Variants in PPME1 observed in about 807,000 individuals in gnomAD.
The protein encoded by PPME1 is testicular secretory protein Li 39.
In PPME1, 17 loss-of-function variants were observed where a neutral mutation model predicts 56.9. The observed-to-expected ratio is 0.30, with a 90% CI of 0.20 to 0.45. The LOEUF is 0.45. PPME1 is among the 20% of genes least tolerant of loss of function. The probability of loss-of-function intolerance (pLI) is 1.00; values close to 1 mark genes in which losing one functional copy is unlikely to be tolerated. For missense variants in PPME1, 357 were observed against 483.2 expected, an observed-to-expected ratio of 0.74 and a Z score of 2.45; for synonymous variants, 122 against 156.2, an observed-to-expected ratio of 0.78 and a Z score of 1.63.
At chr11:74,203,649 A>C (rs1208074726) in intron 1 of PPME1, 79 bp from the exon 2 acceptor site, 1 of 1,017,138 alleles carries the variant, frequency 9.8e-7, no homozygotes, top group Non-Finnish European at 1.5e-6. Context: ...TTACTGACTT[A>C]CATTTAGCAT....
chr11:74,191,675 C>T (rs539632212), intron 1 of PPME1, among the ~76,000 whole-genome samples: 2 of 152,350 alleles, frequency 1.3e-5, no homozygotes, highest in Admixed American at 6.5e-5. Flanking sequence ...ACTCATGCTC[C>T]AGCCAGGGCT....
intron 1 of PPME1, among the ~76,000 whole-genome samples, chr11:74,197,531 G>A (rs1035264542): frequency 2.4e-4 from 36 of 152,218 alleles, no homozygotes; most frequent in East Asian, 1.9e-4. Flanking sequence ...TCATAATAAC[G>A]CCTATAAAAT....
At chr11:74,249,779 A>G (rs377355173) in intron 11 of PPME1, 9 of 152,218 alleles carry the variant, frequency 5.9e-5, no homozygotes, top group African/African-American at 2.2e-4. Context: ...TGAAACTTAC[A>G]AGAGGGCCAT....
intron 3 of PPME1, among the ~76,000 whole-genome samples, chr11:74,217,468 G>A (rs1052888533): frequency 3.3e-5 from 5 of 150,760 alleles, no homozygotes; most frequent in African/African-American, 1.2e-4. Flanking sequence ...CCTGAACCTG[G>A]GAAATGGAGG....
rs761884373 is a variant in PPME1, at chr11:74,203,839, G to A, written c.195+18G>A. The stretch of plus-strand genomic sequence containing the variant: ...GCAAGGATATATCCTTTGCAAAATG[G>A]CTTATTCTTTAGTGAGCTTATGATG... On this transcript the variant is annotated intron_variant, in intron 2 of 13. Coordinates refer to ENST00000328257, the MANE Select transcript of PPME1 (RefSeq NM_016147.3). 6.4e-7 allele frequency: 1 copy of A among 1,556,058 alleles called. No individual in the cohort carries two copies. Among genetic ancestry groups the A allele is most frequent in the Non-Finnish European group, 8.8e-7 (1 of 1,139,316 alleles).
At chr11:74,192,796 C>G (rs1319094431) in intron 1 of PPME1, among the ~76,000 whole-genome samples, 1 of 152,178 alleles carries the variant, frequency 6.6e-6, no homozygotes, top group African/African-American at 2.4e-5. Context: ...CCCACTTCAC[C>G]TTCCACCATG....
In PPME1 at chr11:74,230,774, T is replaced by C. The variant is rs1448186897; in HGVS notation, c.554-138T>C. On this transcript the variant is annotated intron_variant, in intron 6 of 13. Coordinates refer to ENST00000328257, the MANE Select transcript of PPME1 (RefSeq NM_016147.3). This position sits in a 1 kb window ranked among gnomAD's most constrained non-coding sequence, Gnocchi z 4.9. ...GTGAATACCCCAGAGGCAAAAATTA[T>C]TGAGGGCCATCTTTATTTCTCTGCG... 7 of 718,596 alleles carry C rather than the reference T, an allele frequency of 9.7e-6. No homozygotes were observed. The highest frequency in any genetic ancestry group is 3.6e-5 in the African/African-American group (2 of 55,860). 44.5% of individuals were successfully genotyped at this position (718,596 alleles called of 1,614,324 possible).
intron 1 of PPME1, among the ~76,000 whole-genome samples, chr11:74,200,870 A>C (rs979413541): frequency 3.3e-5 from 5 of 151,742 alleles, no homozygotes; most frequent in African/African-American, 1.2e-4. Flanking sequence ...TTGTTTTTTG[A>C]GAGATGAGAC....
rs1250402108 is a variant in PPME1, at chr11:74,230,362, A to G, written c.516A>G (p.Pro172=). The change falls in exon 6 of 14, where the codon CCA becomes CCG. Residue 172 remains proline (P), a synonymous_variant. Coordinates refer to ENST00000328257, the MANE Select transcript of PPME1 (RefSeq NM_016147.3). The surrounding 1 kb of genome is among the most constrained non-coding windows in gnomAD (Gnocchi z 4.9). ...AVHTASSNLV[P]SLLGLCMIDV... is the part of the protein sequence containing the mutation. ...ACACAGCATCATCCAACCTGGTACC[A>G]AGCCTCTTGGGTCTGTGCATGATTG... The G allele has an allele frequency of 1.2e-6, 2 of 1,613,850 alleles. No individual in the cohort carries two copies. The highest frequency in any genetic ancestry group is 8.5e-7 in the Non-Finnish European group (1 of 1,179,798).
At chr11:74,179,055 A>G (rs1382224578) in intron 1 of PPME1, among the ~76,000 whole-genome samples, 5 of 152,236 alleles carry the variant, frequency 3.3e-5, no homozygotes, top group Admixed American at 6.5e-5. Flanking sequence ...ATAAGAGATT[A>G]TATTGAAAAT....
At chr11:74,202,922 C>T (rs920474235) in intron 1 of PPME1, among the ~76,000 whole-genome samples, 1 of 152,022 alleles carries the variant, frequency 6.6e-6, no homozygotes, top group Non-Finnish European at 1.5e-5. Flanking sequence ...CAATTTTACC[C>T]AAGTGATAGC....
intron 3 of PPME1, among the ~76,000 whole-genome samples, chr11:74,215,312 C>T (rs1453208517): frequency 6.6e-6 from 1 of 152,010 alleles, no homozygotes; most frequent in African/African-American, 2.4e-5. Context: ...TGCACTCAAG[C>T]CTAGGCAACT....
chr11:74,237,586 T>G (rs1260963565), intron 8 of PPME1, among the ~76,000 whole-genome samples: 1 of 152,138 alleles, frequency 6.6e-6, no homozygotes, highest in African/African-American at 2.4e-5. Context: ...ATTGTCTCTT[T>G]TTTTTTAATG....
At chr11:74,242,295 GATT>G (rs1565395362) in intron 9 of PPME1, among the ~76,000 whole-genome samples, 1 of 152,128 alleles carries the variant, frequency 6.6e-6, no homozygotes, top group South Asian at 2.1e-4. Flanking sequence ...ATAAATGTTA[GATT>G]TTATTTCTGA....
chr11:74,175,755 TC>T (rs1238704919), intron 1 of PPME1, among the ~76,000 whole-genome samples: 1 of 152,176 alleles, frequency 6.6e-6, no homozygotes, highest in African/African-American at 2.4e-5. Context: ...TATATAGTAG[TC>T]CCTTTTTATA....
chr11:74,234,077 T>C (rs1245389007), intron 7 of PPME1, among the ~76,000 whole-genome samples: 1 of 152,106 alleles, frequency 6.6e-6, no homozygotes, highest in African/African-American at 2.4e-5. Flanking sequence ...GGTTTATGGA[T>C]TGGATGTTGG....
intron 3 of PPME1, among the ~76,000 whole-genome samples, chr11:74,214,763 C>G (rs1858582660): frequency 1.3e-5 from 2 of 151,598 alleles, no homozygotes; most frequent in South Asian, 4.1e-4. Flanking sequence ...AGAATAAAGA[C>G]TTTCCCAGAC....
intron 3 of PPME1, among the ~76,000 whole-genome samples, chr11:74,211,791 AG>A (rs1440998764): frequency 1.3e-5 from 2 of 152,224 alleles, no homozygotes; most frequent in Non-Finnish European, 2.9e-5. Flanking sequence ...ACAATCCAGA[AG>A]AAAAATGGGC....
In PPME1 at chr11:74,230,175, C is replaced by T; in HGVS notation, c.399-70C>T. The T allele has an allele frequency of 4.7e-6, 7 of 1,500,790 alleles. No homozygotes were observed. In the South Asian group the frequency reaches 9.1e-5, roughly 20 times the overall value. 93.0% of individuals were successfully genotyped at this position (1,500,790 alleles called of 1,614,324 possible). On this transcript the variant is annotated intron_variant, in intron 5 of 13. Transcript: ENST00000328257. The surrounding 1 kb of genome is among the most constrained non-coding windows in gnomAD (Gnocchi z 4.9). ...CACTGTTACACACCAAAGAAAGGAA[C>T]TGGGAAAGAAAACCATTTTTACAGT...
Sources: allele counts gnomAD v4.1 joint callset (sites outside exome capture counted in the v4.1 genomes callset), GRCh38; gene constraint gnomAD v4.1.1; non-coding constraint Gnocchi (gnomAD v3.1); transcripts MANE v1.5; gene names NCBI Gene and HGNC (gene_info 2026-07-23, HGNC 2026-07-21).